CHST11: variants seen among roughly 807,000 people sequenced by gnomAD.
CHST11 encodes carbohydrate sulfotransferase 11.
In CHST11, 9 loss-of-function variants were observed where a neutral mutation model predicts 30.4. That is an observed-to-expected ratio of 0.30 (90% CI 0.18 to 0.52). CHST11 has a LOEUF of 0.52. Ranked by LOEUF, CHST11 falls within the 20% of genes least tolerant of loss-of-function variation. The pLI is 0.97. For synonymous variants in CHST11, 152 were observed against 187.8 expected, an observed-to-expected ratio of 0.81 and a Z score of 1.56; for missense variants, 348 against 460.6, an observed-to-expected ratio of 0.76 and a Z score of 2.24.
At chr12:104,731,382 C>T (rs903451802) in intron 2 of CHST11, among the ~76,000 whole-genome samples, 3 of 152,236 alleles carry the variant, frequency 2.0e-5, no homozygotes, top group Admixed American at 1.3e-4. Context: ...CCAGCCTGTG[C>T]AGCGAGGTGG....
At chr12:104,540,235 C>T (rs1334267950) in intron 1 of CHST11, among the ~76,000 whole-genome samples, 4 of 151,972 alleles carry the variant, frequency 2.6e-5, no homozygotes, top group Non-Finnish European at 5.9e-5. Flanking sequence ...AATATGGAGG[C>T]TGATTGTACA....
intron 1 of CHST11, among the ~76,000 whole-genome samples, chr12:104,479,399 AG>A (rs1313503342): frequency 6.6e-6 from 1 of 152,160 alleles, no homozygotes; most frequent in Non-Finnish European, 1.5e-5. Flanking sequence ...TCTTAAGGGC[AG>A]GGATTTTTAT....
intron 1 of CHST11, among the ~76,000 whole-genome samples, chr12:104,570,323 C>T (rs1475224690): frequency 1.3e-5 from 2 of 152,122 alleles, no homozygotes; most frequent in Non-Finnish European, 2.9e-5. Context: ...CGCAAGCCTC[C>T]CCCTCCCACT....
intron 2 of CHST11, among the ~76,000 whole-genome samples, chr12:104,734,873 G>T (rs1273761538): frequency 6.6e-6 from 1 of 152,232 alleles, no homozygotes; most frequent in Non-Finnish European, 1.5e-5. Flanking sequence ...CAAGGGTGGG[G>T]CCTGCGTTTA....
chr12:104,640,989 G>A (rs531620310), intron 2 of CHST11, among the ~76,000 whole-genome samples: 1 of 152,300 alleles, frequency 6.6e-6, no homozygotes, highest in East Asian at 1.9e-4. Flanking sequence ...AACAGAGAGG[G>A]GAGAAGCAGC....
chr12:104,521,842 C>G (rs942189910), intron 1 of CHST11, among the ~76,000 whole-genome samples: 2 of 152,172 alleles, frequency 1.3e-5, no homozygotes, highest in African/African-American at 4.8e-5. Flanking sequence ...TGTTTCCCTG[C>G]CAGTGGGCAT....
At chr12:104,507,323 G>A (rs1294023515) in intron 1 of CHST11, among the ~76,000 whole-genome samples, 1 of 152,234 alleles carries the variant, frequency 6.6e-6, no homozygotes. Context: ...CCACCTGGGA[G>A]CCAGGCAGCA....
chr12:104,627,407 A>C (rs542757243), intron 2 of CHST11, among the ~76,000 whole-genome samples: 1 of 152,328 alleles, frequency 6.6e-6, no homozygotes, highest in South Asian at 2.1e-4. Context: ...ACTGTTTAAA[A>C]AAATTTAATG....
At chr12:104,663,583 T>A (rs2039616523) in intron 2 of CHST11, among the ~76,000 whole-genome samples, 1 of 152,144 alleles carries the variant, frequency 6.6e-6, no homozygotes, top group South Asian at 2.1e-4. Flanking sequence ...TTTTGAGCAG[T>A]TTTTCTCCAT....
At chr12:104,545,311 C>T (rs1055633591) in intron 1 of CHST11, among the ~76,000 whole-genome samples, 2 of 152,238 alleles carry the variant, frequency 1.3e-5, no homozygotes, top group Admixed American at 6.5e-5. Flanking sequence ...TTCTGCAGAG[C>T]TGGCCACATG....
At chr12:104,739,194 C>G (rs2040327405) in intron 2 of CHST11, among the ~76,000 whole-genome samples, 2 of 152,340 alleles carry the variant, frequency 1.3e-5, no homozygotes, top group South Asian at 4.1e-4. Flanking sequence ...CTGGAACACC[C>G]TGAACTCATC....
chr12:104,558,117 C>A (rs2136014504), intron 1 of CHST11, among the ~76,000 whole-genome samples: 1 of 152,282 alleles, frequency 6.6e-6, no homozygotes, highest in African/African-American at 2.4e-5. Context: ...ATCAATATTT[C>A]AGCCTTGACT....
chr12:104,734,938 T>C (rs2040287924), intron 2 of CHST11, among the ~76,000 whole-genome samples: 1 of 152,240 alleles, frequency 6.6e-6, no homozygotes, highest in Non-Finnish European at 1.5e-5. Context: ...ACGTGAACCC[T>C]GCCAGGCACC....
intron 1 of CHST11, among the ~76,000 whole-genome samples, chr12:104,492,158 G>A (rs56689310): frequency 0.099 from 15,102 of 152,062 alleles, 942 homozygotes; most frequent in East Asian, 0.3. Context: ...GTGCAGTGGC[G>A]CGATCTCTGC....
At chr12:104,677,376 T>G (rs1390561740) in intron 2 of CHST11, among the ~76,000 whole-genome samples, 2 of 152,202 alleles carry the variant, frequency 1.3e-5, no homozygotes, top group Non-Finnish European at 2.9e-5. Context: ...GTTATTCAGC[T>G]GACCAGAGGA....
chr12:104,529,590 AC>A (rs1476890882), intron 1 of CHST11, among the ~76,000 whole-genome samples: 1 of 152,086 alleles, frequency 6.6e-6, no homozygotes, highest in Non-Finnish European at 1.5e-5. Context: ...ATGATCAGAG[AC>A]CCAGCCTTCT....
chr12:104,520,829 G>A (rs1264851940), intron 1 of CHST11, among the ~76,000 whole-genome samples: 2 of 152,216 alleles, frequency 1.3e-5, no homozygotes, highest in Admixed American at 6.5e-5. Context: ...TCTGCAGCCA[G>A]TGGCGTGTGC....
intron 1 of CHST11, among the ~76,000 whole-genome samples, chr12:104,525,720 T>C (rs944019815): frequency 2.6e-5 from 4 of 152,114 alleles, no homozygotes; most frequent in Admixed American, 1.3e-4. Flanking sequence ...AGAGATTAGA[T>C]AGTTAACAAA....
chr12:104,602,139 C>A, intron 2 of CHST11, 148 bp downstream of exon 2: 1 of 627,156 alleles, frequency 1.6e-6, no homozygotes. Flanking sequence ...CTCCGTCACC[C>A]TTTTTCTATG....
Sources: allele counts gnomAD v4.1 joint callset (sites outside exome capture counted in the v4.1 genomes callset), GRCh38; gene constraint gnomAD v4.1.1; transcripts MANE v1.5; gene names NCBI Gene and HGNC (gene_info 2026-07-23, HGNC 2026-07-21).